The following SLC2A13 variants were observed in gnomAD, a reference collection of about 807,000 sequenced individuals.
SLC2A13 encodes solute carrier family 2 member 13, also known as proton myo-inositol cotransporter.
Under a neutral mutation model 64.4 loss-of-function variants are expected in SLC2A13, and 32 were observed. The observed-to-expected ratio is 0.50, with a 90% confidence interval of 0.37 to 0.67. SLC2A13 has a LOEUF of 0.67. SLC2A13 is among the 30% of genes least tolerant of loss of function. The pLI is 0.00. For missense variants in SLC2A13, 743 were observed against 829.2 expected, an observed-to-expected ratio of 0.90 and a Z score of 1.28; for synonymous variants, 338 against 327.1, an observed-to-expected ratio of 1.03 and a Z score of -0.36.
intron 6 of SLC2A13, among the ~76,000 whole-genome samples, chr12:39,853,168 C>G (rs532269010): frequency 1.3e-5 from 2 of 152,116 alleles, no homozygotes; most frequent in Non-Finnish European, 2.9e-5. Context: ...TGCCTAGTTA[C>G]GCTCACAAAG....
intron 1 of SLC2A13, among the ~76,000 whole-genome samples, chr12:40,076,053 A>C (rs899767947): frequency 6.6e-6 from 1 of 152,208 alleles, no homozygotes; most frequent in African/African-American, 2.4e-5. Context: ...GTCATCTTGT[A>C]GTGAGCACCT....
intron 4 of SLC2A13, among the ~76,000 whole-genome samples, chr12:39,900,929 C>T (rs1945081015): frequency 6.6e-6 from 1 of 152,186 alleles, no homozygotes; most frequent in African/African-American, 2.4e-5. Context: ...CGCTACCTGA[C>T]TTCAAACTAT....
intron 7 of SLC2A13, among the ~76,000 whole-genome samples, chr12:39,788,165 C>A (rs1393843290): frequency 6.6e-6 from 1 of 152,012 alleles, no homozygotes; most frequent in Non-Finnish European, 1.5e-5. Context: ...ATCCTCATAC[C>A]TAGTACCAAA....
intron 3 of SLC2A13, among the ~76,000 whole-genome samples, chr12:39,963,768 G>C (rs1469095311): frequency 6.6e-6 from 1 of 152,100 alleles, no homozygotes; most frequent in Non-Finnish European, 1.5e-5. Flanking sequence ...GTTTTATATG[G>C]ATATTGAGTA....
At chr12:40,053,376 G>C (rs1948290117) in intron 1 of SLC2A13, among the ~76,000 whole-genome samples, 1 of 151,172 alleles carries the variant, frequency 6.6e-6, no homozygotes, top group South Asian at 2.1e-4. Context: ...CCCAGCCCCA[G>C]AGACAGATAT....
chr12:39,799,738 G>T (rs771519045), intron 7 of SLC2A13, among the ~76,000 whole-genome samples: 6 of 152,088 alleles, frequency 3.9e-5, no homozygotes, highest in Non-Finnish European at 8.8e-5. Context: ...TTAAAGTTAG[G>T]CCTATTATAC....
At chr12:40,084,853 A>T (rs934816452) in intron 1 of SLC2A13, among the ~76,000 whole-genome samples, 1 of 151,932 alleles carries the variant, frequency 6.6e-6, no homozygotes, top group Non-Finnish European at 1.5e-5. Flanking sequence ...TATGCTAGTA[A>T]GTTGACAGAT....
intron 3 of SLC2A13, among the ~76,000 whole-genome samples, chr12:39,974,806 G>A (rs1946733164): frequency 6.6e-6 from 1 of 152,108 alleles, no homozygotes; most frequent in Non-Finnish European, 1.5e-5. Context: ...TAATTCTCCT[G>A]CTCCCCTTAC....
chr12:39,871,945 T>C lies in SLC2A13; in HGVS notation c.1051A>G (p.Ile351Val), dbSNP rs1592227010. 1.9e-6 allele frequency: 3 copies of C among 1,606,758 alleles called. No individual in the cohort carries two copies. Among genetic ancestry groups the C allele is most frequent in the Non-Finnish European group, 2.5e-6 (3 of 1,176,898 alleles). Residue 351 changes from isoleucine to valine, a missense_variant, in exon 5 of 10, where the codon ATT becomes GTT. Coordinates refer to ENST00000280871, the MANE Select transcript of SLC2A13 (RefSeq NM_052885.4). ...TCTTCAACACCAGACATCTGCAGAA[T>C]GGTTGCACTGTAGTACCTGCAAAGC... is the stretch of plus-strand genomic sequence containing the variant. ...INTIMYYSAT[I>V]LQMSGVEDDR...
At chr12:39,937,869 G>C (rs1945943000) in intron 4 of SLC2A13, among the ~76,000 whole-genome samples, 1 of 152,098 alleles carries the variant, frequency 6.6e-6, no homozygotes, top group Non-Finnish European at 1.5e-5. Flanking sequence ...TTTTCTCCTT[G>C]ACATAAATCT....
At chr12:40,039,344 A>G (rs908305256) in intron 2 of SLC2A13, among the ~76,000 whole-genome samples, 1 of 152,020 alleles carries the variant, frequency 6.6e-6, no homozygotes, top group Admixed American at 6.5e-5. Context: ...TCTTTAGACA[A>G]TGTAGATCTG....
At chr12:39,988,656 AAGG>A (rs1240437936) in intron 3 of SLC2A13, among the ~76,000 whole-genome samples, 1 of 104,856 alleles carries the variant, frequency 9.5e-6, no homozygotes, top group Non-Finnish European at 1.9e-5. Context: ...GGAGAAAAGG[AAGG>A]AGGGAGGGAG....
chr12:39,869,128 A>G (rs1592224218), intron 5 of SLC2A13, among the ~76,000 whole-genome samples: 1 of 152,352 alleles, frequency 6.6e-6, no homozygotes, highest in South Asian at 2.1e-4. Context: ...ATATCTACAT[A>G]TAAATGAATA....
chr12:39,926,465 T>C (rs1945731877), intron 4 of SLC2A13, among the ~76,000 whole-genome samples: 1 of 152,142 alleles, frequency 6.6e-6, no homozygotes, highest in African/African-American at 2.4e-5. Flanking sequence ...CAGATATCAA[T>C]TGTAAATAAA....
chr12:40,071,379 C>T (rs1350058688), intron 1 of SLC2A13, among the ~76,000 whole-genome samples: 1 of 152,076 alleles, frequency 6.6e-6, no homozygotes, highest in Non-Finnish European at 1.5e-5. Context: ...GGACAAATCC[C>T]AATTCATAAT....
chr12:39,881,073 A>G (rs780232024), intron 4 of SLC2A13, among the ~76,000 whole-genome samples: 1 of 152,266 alleles, frequency 6.6e-6, no homozygotes, highest in Non-Finnish European at 1.5e-5. Context: ...ATCAAATGTT[A>G]CATAAAGCAA....
intron 5 of SLC2A13, among the ~76,000 whole-genome samples, chr12:39,866,951 A>C (rs1160242166): frequency 1.3e-5 from 2 of 152,194 alleles, no homozygotes; most frequent in African/African-American, 2.4e-5. Flanking sequence ...TAATGCGATA[A>C]AACTAAAATC....
chr12:39,771,226 C>G (rs764819723), intron 7 of SLC2A13, among the ~76,000 whole-genome samples: 1 of 152,066 alleles, frequency 6.6e-6, no homozygotes, highest in Non-Finnish European at 1.5e-5. Context: ...GATTTTCATG[C>G]CTTGTGTAGT....
chr12:39,903,447 C>T (rs1439418121), intron 4 of SLC2A13, among the ~76,000 whole-genome samples: 1 of 151,986 alleles, frequency 6.6e-6, no homozygotes, highest in Non-Finnish European at 1.5e-5. Flanking sequence ...TGATTCTGGC[C>T]CCCCAGTATC....
Sources: allele counts gnomAD v4.1 joint callset (sites outside exome capture counted in the v4.1 genomes callset), GRCh38; gene constraint gnomAD v4.1.1; transcripts MANE v1.5; gene names NCBI Gene and HGNC (gene_info 2026-07-23, HGNC 2026-07-21).